The following NBPF20 variants were observed in gnomAD, a reference collection of about 807,000 sequenced individuals.
NBPF20 encodes NBPF member 20.
In NBPF20, 90 loss-of-function variants were observed where a neutral mutation model predicts 68.1. The observed-to-expected ratio is 1.32, with a 90% CI of 1.11 to 1.58. The LOEUF is 1.58. NBPF20 is among the 40% of genes most tolerant of loss of function. The probability of loss-of-function intolerance (pLI) is 0.00; values close to 1 mark genes in which losing one functional copy is unlikely to be tolerated. For missense variants in NBPF20, 816 were observed against 601.2 expected, an observed-to-expected ratio of 1.36 and a Z score of -3.74; for synonymous variants, 290 against 228.1, an observed-to-expected ratio of 1.27 and a Z score of -2.45.
chr1:145,408,731 G>T (rs1311634925), upstream of NBPF20, among the ~76,000 whole-genome samples: 2 of 151,934 alleles, frequency 1.3e-5, no homozygotes, highest in African/African-American at 2.4e-5. Context: ...CAATAAACAT[G>T]ATATATATTT....
At chr1:145,400,303 T>A (rs1441542992) in intron 6 of NBPF20, 86 bp downstream of exon 11, 25 of 1,598,006 alleles carry the variant, frequency 1.6e-5, no homozygotes, top group Non-Finnish European at 2.0e-5. Flanking sequence ...TTTATTCAAA[T>A]GAATTTGTGT....
chr1:145,411,265 C>G, the NBPF20 span, among the ~76,000 whole-genome samples: 1 of 149,686 alleles, frequency 6.7e-6, no homozygotes. Flanking sequence ...CATAACAACT[C>G]TTCTGATCCA....
At chr1:145,422,774 A>T in the NBPF20 span, among the ~76,000 whole-genome samples, 1 of 152,080 alleles carries the variant, frequency 6.6e-6, no homozygotes, top group Non-Finnish European at 1.5e-5. Context: ...AGATTACTTG[A>T]GCCCAAGAGT....
upstream of NBPF20, among the ~76,000 whole-genome samples, chr1:145,409,224 G>A (rs1334127319): frequency 5.9e-5 from 9 of 151,878 alleles, no homozygotes; most frequent in South Asian, 2.1e-4. Context: ...GTAATGTCTC[G>A]TAAATACTGA....
chr1:145,422,033 G>A, the NBPF20 span, among the ~76,000 whole-genome samples: 1 of 150,920 alleles, frequency 6.6e-6, no homozygotes, highest in Admixed American at 6.6e-5. Context: ...GCGAGACACT[G>A]TCTCAAGAAA....
upstream of NBPF20, among the ~76,000 whole-genome samples, chr1:145,408,844 A>T (rs1301090430): frequency 6.6e-6 from 1 of 151,948 alleles, no homozygotes; most frequent in Non-Finnish European, 1.5e-5. Context: ...AATCTCTATT[A>T]TGTTTTATTG....
chr1:145,400,533 T>G, exon 6 of NBPF20: 1 of 1,612,864 alleles, frequency 6.2e-7, no homozygotes, highest in African/African-American at 1.3e-5. Context: ...TTTGAATAAG[T>G]GATGGCACAT....
At chr1:145,405,058 T>C in intron 2 of NBPF20, 40 bp downstream of exon 7, 1 of 1,612,594 alleles carries the variant, frequency 6.2e-7, no homozygotes, top group Non-Finnish European at 8.5e-7. Flanking sequence ...AGACAGGACA[T>C]CATTCATCAC....
intron 136 of NBPF20, among the ~76,000 whole-genome samples, chr1:145,292,766 T>G (rs1296590669): frequency 3.4e-5 from 4 of 116,072 alleles, no homozygotes; most frequent in Non-Finnish European, 6.7e-5. Context: ...ATTTTTCCAA[T>G]CAACTTAAAG....
intron 7 of NBPF20, among the ~76,000 whole-genome samples, chr1:145,398,378 T>C (rs1662360927): frequency 6.6e-6 from 1 of 151,696 alleles, no homozygotes; most frequent in African/African-American, 2.4e-5. Flanking sequence ...CACAACAAAC[T>C]GTCAGACCAC....
rs1553662525 is a variant in NBPF20, at chr1:145,393,260, A to G, written c.1044-14T>C. ...TCCCTGCTGAGCCTGGAAAAGTGGG[A>G]AAAAGTAAAGAATAAGCCAGGGGGA... is the stretch of plus-strand genomic sequence containing the variant. On this transcript the variant is annotated splice_polypyrimidine_tract_variant and intron_variant, in intron 9 of 137. Transcript: ENST00000369373. 3.1e-6 allele frequency: 2 copies of G among 643,436 alleles called. No individual in the cohort carries two copies. Among genetic ancestry groups the G allele is most frequent in the South Asian group, 1.8e-5 (1 of 56,614 alleles). The allele number at this position is 643,436 out of a possible 1,614,324, so 39.9% of individuals were successfully genotyped here.
chr1:145,402,181 T>C, exon 4 of NBPF20: 2 of 1,485,018 alleles, frequency 1.3e-6, no homozygotes, highest in Non-Finnish European at 1.9e-6. Context: ...GCTGAGCTTT[T>C]GGACAAGGTG....
chr1:145,294,754 C>T, intron 134 of NBPF20, 28 bp downstream of exon 139: 1 of 181,456 alleles, frequency 5.5e-6, no homozygotes, highest in South Asian at 3.1e-5. Context: ...CAGGTGGAGG[C>T]TTATCACCTT....
the NBPF20 span, among the ~76,000 whole-genome samples, chr1:145,412,356 G>A: frequency 6.6e-6 from 1 of 152,058 alleles, no homozygotes; most frequent in South Asian, 2.1e-4. Context: ...GACACCCTTG[G>A]GTTGCTGCAC....
At chr1:145,409,961 G>C (rs782722837), upstream of NBPF20, among the ~76,000 whole-genome samples, 3 of 151,912 alleles carry the variant, frequency 2.0e-5, no homozygotes, top group Admixed American at 6.6e-5. Flanking sequence ...TCTCGTTACG[G>C]AGCCACGAGA....
chr1:145,401,762 C>G (rs1662536089), intron 4 of NBPF20, among the ~76,000 whole-genome samples: 1 of 112,006 alleles, frequency 8.9e-6, no homozygotes, highest in African/African-American at 3.0e-5. Context: ...ATTTGTCTGC[C>G]ACGGAGAGAG....
chr1:145,400,436 C>A, exon 6 of NBPF20: 1 of 1,613,076 alleles, frequency 6.2e-7, no homozygotes, highest in Non-Finnish European at 8.5e-7. Flanking sequence ...AGAGGATGAG[C>A]CAATCAGAGT....
chr1:145,397,218 A>T (rs1346691093), intron 7 of NBPF20, among the ~76,000 whole-genome samples: 1 of 149,372 alleles, frequency 6.7e-6, no homozygotes, highest in Non-Finnish European at 1.5e-5. Context: ...GAATAGTGCC[A>T]CAATAAACAT....
chr1:145,425,445 A>T, the NBPF20 span, among the ~76,000 whole-genome samples: 2 of 152,132 alleles, frequency 1.3e-5, no homozygotes, highest in African/African-American at 4.8e-5. Context: ...CTGGCGCCAC[A>T]GGTCGCCCGT....
Sources: allele counts gnomAD v4.1 joint callset (sites outside exome capture counted in the v4.1 genomes callset), GRCh38; gene constraint gnomAD v4.1.1; transcripts MANE v1.5; gene names NCBI Gene and HGNC (gene_info 2026-07-23, HGNC 2026-07-21).